HS6ST2: variants seen among roughly 807,000 people sequenced by gnomAD.
HS6ST2 encodes heparan-sulfate 6-O-sulfotransferase 2.
Under a neutral mutation model 33.0 loss-of-function variants are expected in HS6ST2, and 17 were observed. That is an observed-to-expected ratio of 0.52 (90% confidence interval 0.35 to 0.77). The LOEUF (loss-of-function observed/expected upper bound fraction) is 0.77, where lower values mean the gene tolerates loss of function less well. HS6ST2 is among the 30% of genes least tolerant of loss of function. The pLI, the probability that HS6ST2 is intolerant of heterozygous loss-of-function variation, is 0.01. For synonymous variants in HS6ST2, 248 were observed against 237.1 expected, an observed-to-expected ratio of 1.05 and a Z score of -0.42; for missense variants, 519 against 551.7, an observed-to-expected ratio of 0.94 and a Z score of 0.59.
chrX:132,821,869 T>C (rs1162897467), intron 2 of HS6ST2, among the ~76,000 whole-genome samples: 1 of 110,695 alleles, frequency 9.0e-6, no homozygotes, highest in Non-Finnish European at 1.9e-5. Context: ...CATGCGCCTG[T>C]AATCCCAGCT....
At chrX:132,691,258 G>A (rs1285300591) in intron 3 of HS6ST2, among the ~76,000 whole-genome samples, 1 of 111,777 alleles carries the variant, frequency 8.9e-6, no homozygotes, top group African/African-American at 3.2e-5. Context: ...AGACCCTTAA[G>A]GGCTCTTCCA....
chrX:132,666,410 T>C (rs1187297184), intron 4 of HS6ST2, among the ~76,000 whole-genome samples: 1 of 111,819 alleles, frequency 8.9e-6, no homozygotes, highest in Non-Finnish European at 1.9e-5. Flanking sequence ...ATGCTTAATA[T>C]ATTTTAATTA....
At chrX:132,869,458 A>G (rs1443235393) in intron 2 of HS6ST2, among the ~76,000 whole-genome samples, 1 of 111,914 alleles carries the variant, frequency 8.9e-6, no homozygotes, top group East Asian at 2.8e-4. Flanking sequence ...GCAGAGACAC[A>G]ACAAAAAAAG....
intron 3 of HS6ST2, among the ~76,000 whole-genome samples, chrX:132,706,037 C>T (rs927715441): frequency 9.1e-6 from 1 of 110,368 alleles, no homozygotes; most frequent in African/African-American, 3.3e-5. Flanking sequence ...ATCATTCAAA[C>T]TTACTATAAT....
chrX:132,950,112 G>T (rs1486033063), intron 2 of HS6ST2, among the ~76,000 whole-genome samples: 2 of 111,463 alleles, frequency 1.8e-5, no homozygotes, highest in Non-Finnish European at 3.8e-5. Context: ...CCTAGTATGT[G>T]TTCTCATAGC....
At chrX:132,902,352 C>T (rs2066433766) in intron 2 of HS6ST2, among the ~76,000 whole-genome samples, 2 of 112,068 alleles carry the variant, frequency 1.8e-5, no homozygotes, top group African/African-American at 6.5e-5. Context: ...ATCTGCCAGC[C>T]TTGGCTTCCC....
At chrX:132,637,615 G>A (rs992506619) in intron 4 of HS6ST2, among the ~76,000 whole-genome samples, 7 of 101,660 alleles carry the variant, frequency 6.9e-5, no homozygotes, top group Admixed American at 1.2e-4. Context: ...CAGAAAACCC[G>A]TAGCAGTTAA....
At chrX:132,946,861 A>G (rs2066962753) in intron 2 of HS6ST2, among the ~76,000 whole-genome samples, 1 of 111,970 alleles carries the variant, frequency 8.9e-6, no homozygotes. Flanking sequence ...GGTACCCCAA[A>G]ATAGTAATAG....
chrX:132,911,141 C>T (rs1200816698), intron 2 of HS6ST2, among the ~76,000 whole-genome samples: 2 of 58,876 alleles, frequency 3.4e-5, no homozygotes, highest in African/African-American at 1.4e-4. Context: ...CAGAGCGAGA[C>T]GCTATCTCAA....
At position 132,913,053 on chromosome X, in the gene HS6ST2, G is replaced by A. The variant is rs753950574; in HGVS notation, c.947+43755C>T. Reference sequence around the variant, plus strand: ...CCCCTTCCGAGTCCATAAAAACCCCGGACTCAGCCACACTTTGGGACCACC... The same window carrying A: ...CCCCTTCCGAGTCCATAAAAACCCCAGACTCAGCCACACTTTGGGACCACC... On this transcript the variant is annotated intron_variant, in intron 2 of 4. Transcript: ENST00000370833. Among the ~76,000 whole-genome samples, 8 of 110,737 alleles carry A rather than the reference G, an allele frequency of 7.2e-5. No homozygotes were observed. The East Asian group carries it at 1.4e-3, about 20-fold the overall frequency.
intron 2 of HS6ST2, among the ~76,000 whole-genome samples, chrX:132,826,685 C>T (rs1368278299): frequency 9.1e-6 from 1 of 109,987 alleles, no homozygotes; most frequent in East Asian, 2.9e-4. Context: ...TGCTGTGGCC[C>T]TTTAAAAATA....
At chrX:132,765,108 G>A (rs908987361) in intron 2 of HS6ST2, among the ~76,000 whole-genome samples, 8 of 112,392 alleles carry the variant, frequency 7.1e-5, no homozygotes, top group African/African-American at 2.6e-4. Flanking sequence ...TTGGGGTGCA[G>A]GATGGCTACA....
At chrX:132,954,749 T>C (rs914170969) in intron 2 of HS6ST2, among the ~76,000 whole-genome samples, 5 of 112,413 alleles carry the variant, frequency 4.4e-5, no homozygotes, top group African/African-American at 1.6e-4. Flanking sequence ...ACATGGTTGC[T>C]CTTTGATTAG....
At position 132,958,243 on chromosome X, in the gene HS6ST2, G is replaced by A. The variant is rs1378157527; in HGVS notation, c.360C>T (p.Ala120=). Residue 120 remains alanine (A), a synonymous_variant, in exon 1 of 5, where the codon GCC becomes GCT. Transcript: ENST00000370833. ...CGTGCTTCAGCGAGTGGCCCAGGGC[G>A]GCCAGGCCCCGAGTGAGCAGGGCCC... ...LCRALLTRGL[A]ALGHSLKHVL... The A allele has an allele frequency of 1.7e-6, 2 of 1,181,591 alleles. No homozygotes were observed. The highest frequency in any genetic ancestry group is 2.3e-6 in the Non-Finnish European group (2 of 886,547).
At chrX:132,786,011 T>C (rs1354486571) in intron 2 of HS6ST2, among the ~76,000 whole-genome samples, 1 of 111,441 alleles carries the variant, frequency 9.0e-6, no homozygotes, top group African/African-American at 3.3e-5. Flanking sequence ...TGTGACCCCA[T>C]AGGCAAGTCA....
At chrX:132,920,387 T>C (rs1053354692) in intron 2 of HS6ST2, among the ~76,000 whole-genome samples, 1 of 110,401 alleles carries the variant, frequency 9.1e-6, no homozygotes, top group African/African-American at 3.3e-5. Context: ...TCCGTGAGAA[T>C]GTGCACACAG....
At chrX:132,724,209 G>T (rs1294154162) in intron 2 of HS6ST2, among the ~76,000 whole-genome samples, 3 of 111,917 alleles carry the variant, frequency 2.7e-5, no homozygotes, top group Non-Finnish European at 5.6e-5. Context: ...TGAAAAAGAA[G>T]AAATCAAATT....
chrX:132,922,177 C>A (rs891663565), intron 2 of HS6ST2, among the ~76,000 whole-genome samples: 8 of 111,432 alleles, frequency 7.2e-5, no homozygotes, highest in Admixed American at 9.5e-5. Context: ...CCGAGGCAGG[C>A]GGATCACGAG....
chrX:132,900,070 T>C (rs1264386810), intron 2 of HS6ST2, among the ~76,000 whole-genome samples: 1 of 112,213 alleles, frequency 8.9e-6, no homozygotes, highest in East Asian at 2.8e-4. Flanking sequence ...AGAAACGCTA[T>C]TGATTTTTAT....
Sources: allele counts gnomAD v4.1 joint callset (sites outside exome capture counted in the v4.1 genomes callset), GRCh38; gene constraint gnomAD v4.1.1; transcripts MANE v1.5; gene names NCBI Gene and HGNC (gene_info 2026-07-23, HGNC 2026-07-21).